Variants in MAMDC2 observed in about 807,000 individuals in gnomAD.
The protein encoded by MAMDC2 is MAM domain containing 2, also known as MAM domain-containing protein 2.
A neutral mutation model predicts 89.8 loss-of-function variants in MAMDC2; 57 were observed. That is an observed-to-expected ratio of 0.63 (90% confidence interval 0.51 to 0.79). The LOEUF is 0.79. Ranked by LOEUF, MAMDC2 falls within the 30% of genes least tolerant of loss-of-function variation. The pLI, the probability that MAMDC2 is intolerant of heterozygous loss-of-function variation, is 0.00. For synonymous variants in MAMDC2, 313 were observed against 293.4 expected (o/e 1.07, Z -0.68); for missense variants, 800 against 820.6 (o/e 0.97, Z 0.31).
intron 2 of MAMDC2, chr9:70,093,979 T>G (rs1465388438): frequency 6.6e-6 from 1 of 152,218 alleles, no homozygotes. Flanking sequence ...TAAGGTAAAC[T>G]TCTCTTCTAA....
chr9:70,131,275 G>A (rs547214855), intron 6 of MAMDC2, among the ~76,000 whole-genome samples: 4 of 152,194 alleles, frequency 2.6e-5, no homozygotes, highest in South Asian at 2.1e-4. Context: ...ATATGTCAAC[G>A]TATGACTTTT....
At chr9:70,202,781 G>A (rs1292189278) in intron 11 of MAMDC2, among the ~76,000 whole-genome samples, 1 of 151,632 alleles carries the variant, frequency 6.6e-6, no homozygotes, top group Non-Finnish European at 1.5e-5. Flanking sequence ...AGCTCTTCTT[G>A]TTGAATTGAT....
At chr9:70,211,518 G>T (rs2033353502) in intron 11 of MAMDC2, among the ~76,000 whole-genome samples, 1 of 152,224 alleles carries the variant, frequency 6.6e-6, no homozygotes, top group South Asian at 2.1e-4. Flanking sequence ...ATTCTAGTTA[G>T]CCATTCATCT....
chr9:70,188,230 A>G lies in MAMDC2; in HGVS notation c.1651+17599A>G, dbSNP rs535913253. 2.2e-3 allele frequency among the ~76,000 whole-genome samples: 332 copies of G among 152,304 alleles called. 2 individuals carry two copies. The highest frequency in any genetic ancestry group is 2.9e-3 in the Non-Finnish European group (194 of 68,020). On this transcript the variant is annotated intron_variant, in intron 11 of 13. Coordinates refer to ENST00000377182, the MANE Select transcript of MAMDC2 (RefSeq NM_153267.5). ...ATCTAAAGTGTGTCTCTTGGAGACA[A>G]CATATAGTTGGATCATTTTTTCAAT...
intron 11 of MAMDC2, among the ~76,000 whole-genome samples, chr9:70,174,553 A>G (rs909472792): frequency 1.3e-5 from 2 of 152,118 alleles, no homozygotes; most frequent in African/African-American, 4.8e-5. Context: ...TAGAGGGGAC[A>G]GCCATTGCAA....
intron 12 of MAMDC2, among the ~76,000 whole-genome samples, chr9:70,220,594 C>T (rs983892144): frequency 2.6e-4 from 40 of 152,190 alleles, no homozygotes; most frequent in African/African-American, 8.2e-4. Context: ...AAGAGCTGTA[C>T]GTAAGTTCTT....
rs2033643755 is a variant in MAMDC2 at position 70,226,674 on chromosome 9, T to C, written c.*642T>C. 6.6e-6 allele frequency: 1 copy of C among 152,414 alleles called. No homozygotes were observed. Among genetic ancestry groups the C allele is most frequent in the Non-Finnish European group, 1.5e-5 (1 of 67,932 alleles). 9.4% of individuals were successfully genotyped at this position (152,414 alleles called of 1,614,324 possible). A position where few individuals can be genotyped will look rare whatever the true frequency, so the allele number is the denominator to read the frequency against. On this transcript the variant is annotated 3_prime_UTR_variant, in exon 14 of 14. Coordinates refer to ENST00000377182, the MANE Select transcript of MAMDC2 (RefSeq NM_153267.5). ...TACAAGGCAATGCTACCTTCTTTAT[T>C]CCCCCTTTGAACTACCTTTGAAGTC...
chr9:70,169,672 GGC>G (rs1401320109), intron 10 of MAMDC2: 2 of 152,112 alleles, frequency 1.3e-5, no homozygotes, highest in East Asian at 3.9e-4. Flanking sequence ...AGAAAAATTT[GGC>G]TAAGAATCTG....
chr9:70,108,146 G>T, intron 2 of MAMDC2, 65 bp from the exon 3 acceptor site: 1 of 1,434,560 alleles, frequency 7.0e-7, no homozygotes, highest in Non-Finnish European at 9.4e-7. Context: ...CTTAACTGCA[G>T]TTACGTATTT....
chr9:70,070,558 C>T (rs1167631486), intron 2 of MAMDC2, among the ~76,000 whole-genome samples: 1 of 152,156 alleles, frequency 6.6e-6, no homozygotes, highest in Non-Finnish European at 1.5e-5. Flanking sequence ...ATATGCATGG[C>T]TAAGCACATA....
chr9:70,070,925 T>C (rs1458200984), intron 2 of MAMDC2, among the ~76,000 whole-genome samples: 1 of 152,140 alleles, frequency 6.6e-6, no homozygotes, highest in Non-Finnish European at 1.5e-5. Flanking sequence ...TTTCGATAAA[T>C]AGTGTTGCTA....
rs1458430505 is a variant in MAMDC2 at position 70,126,213 on chromosome 9, A to G, written c.698A>G (p.Gln233Arg). 6 of 1,613,782 alleles carry G rather than the reference A, an allele frequency of 3.7e-6. No individual in the cohort carries two copies. Among genetic ancestry groups the G allele is most frequent in the East Asian group, 2.2e-5 (1 of 44,860 alleles). ...GTGAAGCACTTCCAGGAGGTGGCAC[A>G]GCTCATCTCCCCGTTGACCACGGCC... ...VYVKHFQEVA[Q>R]LISPLTTAPM... The change falls in exon 6 of 14, where the codon CAG becomes CGG. Residue 233 changes from glutamine to arginine, a missense_variant. By Grantham distance (43) the Gln-to-Arg change is conservative. Transcript: ENST00000377182.
At chr9:70,074,965 A>G (rs1203529562) in intron 2 of MAMDC2, among the ~76,000 whole-genome samples, 2 of 152,194 alleles carry the variant, frequency 1.3e-5, no homozygotes. Flanking sequence ...ATTCTAGTGG[A>G]TGTGCCCAGC....
chr9:70,115,448 A>G (rs2029935463), intron 5 of MAMDC2, among the ~76,000 whole-genome samples: 1 of 151,812 alleles, frequency 6.6e-6, no homozygotes, highest in South Asian at 2.1e-4. Context: ...TCCACCTCCC[A>G]GGTTCAAGCA....
At position 70,218,452 on chromosome 9, in the gene MAMDC2, G is replaced by A. The variant is rs2033490474; in HGVS notation, c.1767G>A (p.Met589Ile). ...GKHCLTFFYH[M>I]YGGGTGLLSV... ...ACTGCTTGACCTTTTTCTACCACAT[G>A]TATGGAGGGGGCACTGGCCTGCTGA... Residue 589 changes from methionine (M) to isoleucine (I), a missense_variant, in exon 12 of 14, where the codon ATG (methionine) becomes ATA (isoleucine). By Grantham distance (10) the Met-to-Ile change is conservative. Transcript: ENST00000377182. 2.5e-6 allele frequency: 4 copies of A among 1,614,048 alleles called. No homozygotes were observed. Among genetic ancestry groups the A allele is most frequent in the Admixed American group, 1.7e-5 (1 of 60,002 alleles).
chr9:70,170,437 G>C, intron 10 of MAMDC2, 42 bp from the exon 11 acceptor site: 1 of 1,565,236 alleles, frequency 6.4e-7, no homozygotes, highest in Non-Finnish European at 8.6e-7. Flanking sequence ...CAGAGTCATT[G>C]AAAGAGTCTC....
intron 2 of MAMDC2, among the ~76,000 whole-genome samples, chr9:70,046,618 G>A (rs1456133037): frequency 6.6e-6 from 1 of 152,254 alleles, no homozygotes. Flanking sequence ...TCTCTGCTGA[G>A]TTGGCACCTC....
At chr9:70,080,683 CTG>C (rs1437488725) in intron 2 of MAMDC2, among the ~76,000 whole-genome samples, 2 of 152,178 alleles carry the variant, frequency 1.3e-5, no homozygotes, top group African/African-American at 4.8e-5. Flanking sequence ...CATTGCCAAT[CTG>C]TGTTGAGTTA....
chr9:70,056,433 T>G (rs1168338640), intron 2 of MAMDC2, among the ~76,000 whole-genome samples: 2 of 152,220 alleles, frequency 1.3e-5, no homozygotes, highest in Non-Finnish European at 2.9e-5. Flanking sequence ...TCTTTTTTCT[T>G]TTTCATAAAT....
Sources: gnomAD v4.1 joint callset for allele counts (sites outside exome capture counted in the v4.1 genomes callset) on GRCh38, gnomAD v4.1.1 for gene constraint, MANE v1.5 for transcripts, NCBI Gene and HGNC (gene_info 2026-07-23, HGNC 2026-07-21) for gene names.